The following NEBL variants were observed in gnomAD, a reference collection of about 807,000 sequenced individuals.
NEBL encodes the protein nebulette.
In NEBL, 122 loss-of-function variants were observed where a neutral mutation model predicts 140.2. The observed-to-expected ratio is 0.87, with a 90% CI of 0.75 to 1.01. NEBL has a LOEUF of 1.01. NEBL is among the 50% of genes least tolerant of loss of function. The probability of loss-of-function intolerance (pLI) is 0.00; values close to 1 mark genes in which losing one functional copy is unlikely to be tolerated. For synonymous variants in NEBL, 436 were observed against 398.9 expected, an observed-to-expected ratio of 1.09 and a Z score of -1.11; for missense variants, 1,365 against 1,231.3, an observed-to-expected ratio of 1.11 and a Z score of -1.62.
intron 2 of NEBL, among the ~76,000 whole-genome samples, chr10:21,048,278 T>A (rs903741186): frequency 2.6e-5 from 4 of 152,100 alleles, no homozygotes; most frequent in African/African-American, 7.2e-5. Flanking sequence ...GACTTCTGAA[T>A]ACCAAATTCC....
intron 3 of NEBL, among the ~76,000 whole-genome samples, chr10:21,243,345 C>T (rs1271301532): frequency 1.4e-5 from 2 of 142,522 alleles, no homozygotes; most frequent in Non-Finnish European, 3.0e-5. Flanking sequence ...TGCATGCTGT[C>T]GCCTAGACTG....
In NEBL at chr10:20,940,772, G is replaced by A. The variant is rs1834809796; in HGVS notation, c.357+20900C>T. ...AGGGGATATCACCACCAATCCCACA[G>A]AAATACAAACTACCATCAGAGAATA... On this transcript the variant is annotated intron_variant, in intron 4 of 6. Transcript: ENST00000417816. Among the ~76,000 whole-genome samples the A allele has an allele frequency of 2.0e-5, 3 of 151,972 alleles. No individual in the cohort carries two copies. The South Asian group carries it at 6.3e-4, about 32-fold the overall frequency.
chr10:21,025,834 A>C (rs1319631055), intron 2 of NEBL, among the ~76,000 whole-genome samples: 1 of 152,142 alleles, frequency 6.6e-6, no homozygotes, highest in Non-Finnish European at 1.5e-5. Flanking sequence ...CTTGCTGCAA[A>C]ATTCACACAT....
chr10:21,035,074 C>T (rs1589158394), intron 2 of NEBL, among the ~76,000 whole-genome samples: 1 of 152,016 alleles, frequency 6.6e-6, no homozygotes, highest in Admixed American at 6.5e-5. Context: ...TCTCAACTCG[C>T]TGTAACCTCC....
At chr10:21,214,539 A>G (rs1841963245) in intron 3 of NEBL, among the ~76,000 whole-genome samples, 1 of 151,528 alleles carries the variant, frequency 6.6e-6, no homozygotes, top group Non-Finnish European at 1.5e-5. Context: ...ACACACATAC[A>G]CACATGCACA....
At chr10:21,004,164 T>G (rs1838023043) in intron 3 of NEBL, among the ~76,000 whole-genome samples, 1 of 152,210 alleles carries the variant, frequency 6.6e-6, no homozygotes, top group Non-Finnish European at 1.5e-5. Context: ...TGACCTACAT[T>G]GATTCCTTTA....
chr10:21,152,276 A>T (rs1381333883), intron 2 of NEBL, among the ~76,000 whole-genome samples: 1 of 152,186 alleles, frequency 6.6e-6, no homozygotes, highest in African/African-American at 2.4e-5. Flanking sequence ...CGAATCTCAT[A>T]GATTGGACCC....
chr10:21,088,069 C>T (rs1303675002), intron 2 of NEBL, among the ~76,000 whole-genome samples: 1 of 152,222 alleles, frequency 6.6e-6, no homozygotes, highest in East Asian at 1.9e-4. Flanking sequence ...ACAGTGTTTC[C>T]CTCCCCTACC....
At chr10:20,840,971 A>T (rs1438484631) in intron 12 of NEBL, 122 bp from the exon 13 acceptor site, 2 of 687,280 alleles carry the variant, frequency 2.9e-6, no homozygotes, top group Non-Finnish European at 5.2e-6. Context: ...AATGAATCAC[A>T]CAGCTAAGTA....
rs71390798 is a variant in NEBL at position 20,914,969 on chromosome 10, A to ATTTTTTTTTTTTTTTTTTTTTTT, written c.357+46702_357+46703insAAAAAAAAAAAAAAAAAAAAAAA. 2.0e-4 allele frequency among the ~76,000 whole-genome samples: 22 copies of ATTTTTTTTTTTTTTTTTTTTTTT among 111,230 alleles called. 3 individuals carry two copies. Among genetic ancestry groups the ATTTTTTTTTTTTTTTTTTTTTTT allele is most frequent in the African/African-American group, 6.5e-4 (19 of 29,190 alleles). 73.0% of individuals were successfully genotyped at this position (111,230 alleles called of 152,430 possible). On this transcript the variant is annotated intron_variant, in intron 4 of 6. Transcript: ENST00000417816. ...TACCTCTGCCTCCCAAGTGGCTGGG[A>ATTTTTTTTTTTTTTTTTTTTTTT]TTTTTTTTTTTTTTGGAGAGATGGG...
At chr10:21,104,875 G>T (rs478559) in intron 2 of NEBL, among the ~76,000 whole-genome samples, 72,078 of 152,046 alleles carry the variant, frequency 0.47, 19,880 homozygotes, top group African/African-American at 0.76. Context: ...GTAGATGCCC[G>T]ATATCAGGAT....
chr10:21,074,759 T>G (rs963243077), intron 2 of NEBL, among the ~76,000 whole-genome samples: 1 of 151,818 alleles, frequency 6.6e-6, no homozygotes, highest in Non-Finnish European at 1.5e-5. Context: ...ATTATAGGCG[T>G]GAGCCACTGC....
chr10:21,103,059 G>A (rs1234822977), intron 2 of NEBL, among the ~76,000 whole-genome samples: 1 of 144,514 alleles, frequency 6.9e-6, no homozygotes, highest in Non-Finnish European at 1.5e-5. Context: ...ATTTCTCTTC[G>A]AAAACTATCT....
intron 1 of NEBL, among the ~76,000 whole-genome samples, chr10:21,282,075 G>T (rs1842999876): frequency 6.6e-6 from 1 of 152,136 alleles, no homozygotes; most frequent in South Asian, 2.1e-4. Flanking sequence ...TGGGATTTGT[G>T]CGTATGTGAG....
chr10:20,915,508 T>C (rs545879932), intron 4 of NEBL, among the ~76,000 whole-genome samples: 17 of 151,806 alleles, frequency 1.1e-4, no homozygotes, highest in Non-Finnish European at 1.9e-4. Flanking sequence ...ACATGGTGTT[T>C]GGTTTTTTGT....
chr10:21,185,028 C>T (rs998521033), intron 3 of NEBL, among the ~76,000 whole-genome samples: 1 of 152,192 alleles, frequency 6.6e-6, no homozygotes, highest in Non-Finnish European at 1.5e-5. Flanking sequence ...TTCTCCCATC[C>T]TGGCCCCATG....
chr10:20,808,710 A>G, intron 25 of NEBL, 51 bp from the exon 26 acceptor site: 4 of 1,542,026 alleles, frequency 2.6e-6, no homozygotes, highest in Non-Finnish European at 3.6e-6. Flanking sequence ...CTCGAAAAAC[A>G]AAATCAACAA....
intron 2 of NEBL, among the ~76,000 whole-genome samples, chr10:21,105,468 A>G (rs1053843121): frequency 1.3e-5 from 2 of 152,136 alleles, no homozygotes; most frequent in African/African-American, 4.8e-5. Flanking sequence ...TAGTTTGCTT[A>G]GAATGATCAC....
chr10:20,860,347 T>C (rs1345418027), intron 7 of NEBL, among the ~76,000 whole-genome samples: 1 of 152,022 alleles, frequency 6.6e-6, no homozygotes, highest in East Asian at 1.9e-4. Context: ...CAACTTAATG[T>C]CAATGTAAAA....
Sources: allele counts gnomAD v4.1 joint callset (sites outside exome capture counted in the v4.1 genomes callset), GRCh38; gene constraint gnomAD v4.1.1; transcripts MANE v1.5; gene names NCBI Gene and HGNC (gene_info 2026-07-23, HGNC 2026-07-21).